Variants in DGKE observed in about 807,000 individuals in gnomAD.
The protein encoded by DGKE is DAG kinase epsilon.
In DGKE, 53 loss-of-function variants were observed where a neutral mutation model predicts 70.0. The ratio of observed to expected loss-of-function variants is 0.76; its 90% CI spans 0.61 to 0.95. DGKE has a LOEUF of 0.95. Ranked by LOEUF, DGKE falls within the 40% of genes least tolerant of loss-of-function variation. The pLI, the probability that DGKE is intolerant of heterozygous loss-of-function variation, is 0.00. For missense variants in DGKE, 655 were observed against 706.9 expected (o/e 0.93, Z 0.83); for synonymous variants, 291 against 257.0 (o/e 1.13, Z -1.27).
In DGKE at chr17:56,862,197, G is replaced by A; in HGVS notation, c.1470G>A (p.Gln490=). ...VGVYGSFHCA[Q]IQVKLANPFR... The stretch of plus-strand genomic sequence containing the variant: ...TATATGGGTCTTTCCACTGTGCTCA[G>A]ATTCAAGTAAAACTGGCTAATCCTT... Residue 490 remains glutamine, a synonymous_variant, in exon 11 of 12, where the codon CAG becomes CAA. Transcript: ENST00000284061. 6.2e-7 allele frequency: 1 copy of A among 1,614,210 alleles called. No individual in the cohort carries two copies. The highest frequency in any genetic ancestry group is 8.5e-7 in the Non-Finnish European group (1 of 1,180,034).
Position 56,865,532 on chromosome 17 carries a change from T to C in DGKE, c.*2741T>C, listed in dbSNP as rs890993073. 6.6e-6 allele frequency: 1 copy of C among 152,226 alleles called. No individual in the cohort carries two copies. Among genetic ancestry groups the C allele is most frequent in the African/African-American group, 2.4e-5 (1 of 41,464 alleles). 9.4% of individuals were successfully genotyped at this position (152,226 alleles called of 1,614,324 possible). On this transcript the variant is annotated 3_prime_UTR_variant, in exon 12 of 12. Transcript: ENST00000284061. ...GTGTTTTAAAATACAAGTTGTCTGC[T>C]AGTAAAGTTACATGATTTAGGTGTG...
chr17:56,835,225 C>T lies in DGKE; in HGVS notation c.430C>T (p.Gln144Ter), dbSNP rs1827824584. 6.2e-7 allele frequency: 1 copy of T among 1,613,148 alleles called. No individual in the cohort carries two copies. Among genetic ancestry groups the T allele is most frequent in the Non-Finnish European group, 8.5e-7 (1 of 1,179,846 alleles). ...LCSYCMVCKQ[Q>*]CGCQPKLCDY... ...CAGTTACTGTATGGTTTGCAAGCAGCAGTGTGGCTGTCAACCCAAGCTTTG... is the reference window on the plus strand; with the variant it reads ...CAGTTACTGTATGGTTTGCAAGCAGTAGTGTGGCTGTCAACCCAAGCTTTG... Residue 144 changes from glutamine (Q) to a stop codon, truncating the protein, a stop_gained, in exon 2 of 12, where the codon CAG becomes TAG. Transcript: ENST00000284061. LOFTEE classifies it high-confidence loss of function.
chr17:56,844,102 A>G lies in DGKE; in HGVS notation c.548A>G (p.Lys183Arg), dbSNP rs1351720702. ...GAAAAATGTGATTTTGGAGAATTCA[A>G]AAACCTAATCATTCCACCAAGTTAT... ...KNEKCDFGEF[K>R]NLIIPPSYLT... Residue 183 changes from lysine (K) to arginine (R), a missense_variant, in exon 3 of 12, where the codon AAA (lysine) becomes AGA (arginine). By Grantham distance (26) the Lys-to-Arg change is conservative. Transcript: ENST00000284061. 5.7e-6 allele frequency: 9 copies of G among 1,586,836 alleles called. No individual in the cohort carries two copies. The highest frequency in any genetic ancestry group is 3.8e-5 in the Admixed American group (2 of 53,292).
chr17:56,851,479 C>A (rs563568044), intron 7 of DGKE, among the ~76,000 whole-genome samples: 23 of 152,318 alleles, frequency 1.5e-4, no homozygotes, highest in Non-Finnish European at 3.1e-4. Context: ...TAAAAATTAA[C>A]ACGTACCAAT....
intron 10 of DGKE, 40 bp from the exon 11 acceptor site, chr17:56,862,100 A>G (rs1475411961): frequency 6.2e-7 from 1 of 1,600,276 alleles, no homozygotes; most frequent in Non-Finnish European, 8.6e-7. Context: ...CTGATTTTTT[A>G]TTGCATCATA....
At chr17:56,857,354 G>C (rs749820398) in intron 8 of DGKE, among the ~76,000 whole-genome samples, 4 of 152,128 alleles carry the variant, frequency 2.6e-5, no homozygotes, top group Non-Finnish European at 5.9e-5. Flanking sequence ...AGAGCAGCCT[G>C]TTTGCCACAG....
At chr17:56,838,622 T>C (rs1906775875) in intron 2 of DGKE, 2 of 152,044 alleles carry the variant, frequency 1.3e-5, no homozygotes, top group Non-Finnish European at 2.9e-5. Flanking sequence ...TTCAGCACAC[T>C]AAAAAAGAGA....
At chr17:56,853,898 GC>G (rs1189153468) in intron 7 of DGKE, among the ~76,000 whole-genome samples, 1 of 151,582 alleles carries the variant, frequency 6.6e-6, no homozygotes, top group East Asian at 1.9e-4. Context: ...TAGCCAAGAT[GC>G]AGAAATAACC....
chr17:56,850,517 A>C (rs1041289572), intron 7 of DGKE, among the ~76,000 whole-genome samples: 3 of 152,198 alleles, frequency 2.0e-5, no homozygotes, highest in Non-Finnish European at 4.4e-5. Context: ...GTAGTAAGTA[A>C]ATAAGGAGAA....
rs145303310 is a variant in DGKE, at chr17:56,865,730, T to A, written c.*2939T>A. ...ATAAAATATACTGTGACTCAGAAAT[T>A]GTAAAGTCAGTTTGCGTTGTAAAAA... On this transcript the variant is annotated 3_prime_UTR_variant, in exon 12 of 12. Transcript: ENST00000284061. 2 of 152,268 alleles carry A rather than the reference T, an allele frequency of 1.3e-5. No individual in the cohort carries two copies. Among genetic ancestry groups the A allele is most frequent in the Admixed American group, 1.3e-4 (2 of 15,288 alleles). The allele number at this position is 152,268 out of a possible 1,614,324, so 9.4% of individuals were successfully genotyped here. A position where few individuals can be genotyped will look rare whatever the true frequency, so the allele number is the denominator to read the frequency against.
chr17:56,862,389 A>C lies in DGKE; in HGVS notation c.1524+138A>C, dbSNP rs570849308. ...AGCTGGTCACTGTACACTAGCGGCT[A>C]GAGTGGGATGAGGAAGAAACAGAAA... On this transcript the variant is annotated intron_variant, in intron 11 of 11. Coordinates refer to ENST00000284061, the MANE Select transcript of DGKE (RefSeq NM_003647.3). 65 of 913,852 alleles carry C rather than the reference A, an allele frequency of 7.1e-5. No individual in the cohort carries two copies. In the Middle Eastern group the frequency reaches 1.6e-3, roughly 23 times the overall value. The allele number at this position is 913,852 out of a possible 1,614,324, so 56.6% of individuals were successfully genotyped here.
intron 2 of DGKE, among the ~76,000 whole-genome samples, chr17:56,837,237 G>T (rs1300819231): frequency 1.3e-5 from 2 of 151,402 alleles, no homozygotes; most frequent in Non-Finnish European, 2.9e-5. Context: ...GGCAACCCTA[G>T]CCCAACCCCA....
chr17:56,857,261 G>A (rs1908005797), intron 8 of DGKE, among the ~76,000 whole-genome samples: 1 of 152,090 alleles, frequency 6.6e-6, no homozygotes, highest in African/African-American at 2.4e-5. Context: ...GAAATTTTAG[G>A]CAGAATAAAT....
intron 7 of DGKE, 29 bp from the exon 8 acceptor site, chr17:56,856,483 C>T: frequency 1.3e-6 from 2 of 1,598,728 alleles, no homozygotes; most frequent in Non-Finnish European, 1.7e-6. Flanking sequence ...GAACCATAGT[C>T]TGTTGCTTAT....
chr17:56,845,592 A>C (rs1368503420), intron 3 of DGKE, 98 bp from the exon 4 acceptor site: 4 of 1,293,086 alleles, frequency 3.1e-6, no homozygotes, highest in Non-Finnish European at 3.1e-6. Flanking sequence ...TATAGTTTTT[A>C]TTTCAGCAAA....
chr17:56,855,042 T>G (rs1416296192), intron 7 of DGKE, among the ~76,000 whole-genome samples: 1 of 152,156 alleles, frequency 6.6e-6, no homozygotes, highest in African/African-American at 2.4e-5. Context: ...GTTTCAGTGA[T>G]GAAGGCCTTG....
intron 8 of DGKE, 112 bp downstream of exon 8, chr17:56,856,737 T>C (rs1598043626): frequency 7.6e-7 from 1 of 1,323,226 alleles, no homozygotes; most frequent in Non-Finnish European, 1.0e-6. Context: ...TACAGAAATA[T>C]TTACCTGCTC....
intron 6 of DGKE, 58 bp downstream of exon 6, chr17:56,848,911 A>G: frequency 6.2e-7 from 1 of 1,605,858 alleles, no homozygotes; most frequent in Non-Finnish European, 8.5e-7. Flanking sequence ...ATTGGTTAAC[A>G]AGTGAAGACT....
At position 56,869,031 on chromosome 17, in the gene DGKE, CTACTGT is replaced by C. The variant is rs1908643412; in HGVS notation, c.*6241_*6246del. 1.6e-5 allele frequency: 2 copies of C among 121,526 alleles called. No homozygotes were observed. Among genetic ancestry groups the C allele is most frequent in the Admixed American group, 9.2e-5 (1 of 10,888 alleles). 7.5% of individuals were successfully genotyped at this position (121,526 alleles called of 1,614,324 possible). Reference sequence around the variant, plus strand: ...TACCTGAATGGAAACCCAGCCTCTACTACTGTAACTTAACACTTGTTCTTCCTGAGC... The same window carrying C: ...TACCTGAATGGAAACCCAGCCTCTACAACTTAACACTTGTTCTTCCTGAGC... On this transcript the variant is annotated 3_prime_UTR_variant, in exon 12 of 12. Transcript: ENST00000284061.
Sources: allele counts gnomAD v4.1 joint callset (sites outside exome capture counted in the v4.1 genomes callset), GRCh38; gene constraint gnomAD v4.1.1; transcripts MANE v1.5; gene names NCBI Gene and HGNC (gene_info 2026-07-23, HGNC 2026-07-21).